The following ALK variants were observed in gnomAD, a reference collection of about 807,000 sequenced individuals.
ALK encodes the protein ALK tyrosine kinase receptor.
ALK carries 74 observed loss-of-function variants against 163.1 expected under a neutral mutation model. The ratio of observed to expected loss-of-function variants is 0.45; its 90% CI spans 0.38 to 0.55. The LOEUF (loss-of-function observed/expected upper bound fraction) is 0.55, where lower values mean the gene tolerates loss of function less well. ALK is among the 20% of genes least tolerant of loss of function. ALK has a pLI of 0.00. For synonymous variants in ALK, 960 were observed against 843.2 expected, an observed-to-expected ratio of 1.14 and a Z score of -2.40; for missense variants, 2,063 against 2,105.3, an observed-to-expected ratio of 0.98 and a Z score of 0.39.
At chr2:29,374,343 C>T (rs542411313) in intron 5 of ALK, among the ~76,000 whole-genome samples, 1 of 152,044 alleles carries the variant, frequency 6.6e-6, no homozygotes, top group Non-Finnish European at 1.5e-5. Context: ...AGCGATGGAG[C>T]TGGCATCCAA....
intron 1 of ALK, among the ~76,000 whole-genome samples, chr2:29,907,470 A>T (rs971512068): frequency 6.6e-6 from 1 of 152,110 alleles, no homozygotes; most frequent in Non-Finnish European, 1.5e-5. Context: ...TCTGTACAAG[A>T]CACTCCGTGA....
chr2:29,787,557 G>C (rs913286395), intron 1 of ALK, among the ~76,000 whole-genome samples: 1 of 152,234 alleles, frequency 6.6e-6, no homozygotes, highest in African/African-American at 2.4e-5. Flanking sequence ...TGGGACGTAT[G>C]CATAGGGAAA....
At chr2:29,744,718 G>A (rs1680162096) in intron 1 of ALK, among the ~76,000 whole-genome samples, 1 of 152,112 alleles carries the variant, frequency 6.6e-6, no homozygotes, top group African/African-American at 2.4e-5. Flanking sequence ...TCTTGGCTGG[G>A]ATCTCACCTG....
intron 3 of ALK, among the ~76,000 whole-genome samples, chr2:29,655,793 G>A (rs1200908117): frequency 6.6e-6 from 1 of 152,180 alleles, no homozygotes; most frequent in Admixed American, 6.5e-5. Context: ...GTATAAAGAT[G>A]TGTTTCTCTT....
At chr2:29,551,991 T>C (rs1344851907) in intron 3 of ALK, among the ~76,000 whole-genome samples, 2 of 152,162 alleles carry the variant, frequency 1.3e-5, no homozygotes, top group African/African-American at 4.8e-5. Context: ...ACAAAACCTC[T>C]GTACTCACTT....
chr2:29,606,115 C>T (rs1397635710), intron 3 of ALK, among the ~76,000 whole-genome samples: 1 of 152,202 alleles, frequency 6.6e-6, no homozygotes, highest in Admixed American at 6.5e-5. Flanking sequence ...TCTTCATGTG[C>T]TATGGTTCCA....
intron 3 of ALK, among the ~76,000 whole-genome samples, chr2:29,562,448 T>C (rs1441476911): frequency 6.6e-6 from 1 of 152,208 alleles, no homozygotes; most frequent in African/African-American, 2.4e-5. Flanking sequence ...CTCTCAGCTC[T>C]AGTTTATCAG....
chr2:29,590,492 C>G (rs1354265922), intron 3 of ALK, among the ~76,000 whole-genome samples: 1 of 152,066 alleles, frequency 6.6e-6, no homozygotes, highest in African/African-American at 2.4e-5. Flanking sequence ...TTATAAAACC[C>G]AGTGTTATTA....
intron 13 of ALK, among the ~76,000 whole-genome samples, chr2:29,234,619 G>A (rs1664319934): frequency 6.6e-6 from 1 of 152,056 alleles, no homozygotes; most frequent in Non-Finnish European, 1.5e-5. Flanking sequence ...CTGTGACAGG[G>A]GCCCTCGATC....
intron 23 of ALK, among the ~76,000 whole-genome samples, chr2:29,217,526 G>A (rs972696154): frequency 6.6e-6 from 1 of 151,452 alleles, no homozygotes; most frequent in Non-Finnish European, 1.5e-5. Context: ...TCCACAACAG[G>A]CACGGCTGAC....
intron 1 of ALK, among the ~76,000 whole-genome samples, chr2:29,743,777 G>T (rs1680128250): frequency 6.6e-6 from 1 of 152,140 alleles, no homozygotes; most frequent in Non-Finnish European, 1.5e-5. Flanking sequence ...GAGAACTGCA[G>T]GTGTTAAATG....
chr2:29,326,977 G>A lies in ALK; in HGVS notation c.1414+1373C>T, dbSNP rs567380688. Among the ~76,000 whole-genome samples, 9 of 152,248 alleles carry A rather than the reference G, an allele frequency of 5.9e-5. No individual in the cohort carries two copies. In the South Asian group the frequency reaches 1.7e-3, roughly 28 times the overall value. ...CCAGTCCAGGCTCCATTTCACTCCC[G>A]CCCCTGTGTGAAGCTTTCAGTGCTT... On this transcript the variant is annotated intron_variant, in intron 6 of 28. Transcript: ENST00000389048.
At chr2:29,583,144 G>T (rs1363902805) in intron 3 of ALK, among the ~76,000 whole-genome samples, 1 of 150,556 alleles carries the variant, frequency 6.6e-6, no homozygotes, top group African/African-American at 2.5e-5. Context: ...CTCCCAGAGT[G>T]CTGGGACTAC....
intron 3 of ALK, among the ~76,000 whole-genome samples, chr2:29,622,488 A>G (rs931247176): frequency 6.6e-6 from 1 of 152,224 alleles, no homozygotes; most frequent in Non-Finnish European, 1.5e-5. Flanking sequence ...ACCAGTCCCC[A>G]TGATTCACTT....
Position 29,702,026 on chromosome 2 carries a change from G to A in ALK, c.788-7012C>T, listed in dbSNP as rs556724787. Among the ~76,000 whole-genome samples, 496 of 152,140 alleles carry A rather than the reference G, an allele frequency of 3.3e-3. 3 individuals are homozygous for A. The highest frequency in any genetic ancestry group is 0.011 in the African/African-American group (467 of 41,496). ...ACATGTCTGTGGCTGCAGTGAGGCA[G>A]GAAACAGTGTACGAGCTCCACAAGT... On this transcript the variant is annotated intron_variant, in intron 2 of 28. Coordinates refer to ENST00000389048, the MANE Select transcript of ALK (RefSeq NM_004304.5).
At chr2:29,468,232 T>G (rs1241458266) in intron 4 of ALK, among the ~76,000 whole-genome samples, 1 of 152,152 alleles carries the variant, frequency 6.6e-6, no homozygotes, top group Non-Finnish European at 1.5e-5. Context: ...TTTCACCATG[T>G]TGGTCAGGCT....
At chr2:29,321,100 A>G (rs1667029201) in intron 6 of ALK, among the ~76,000 whole-genome samples, 1 of 152,238 alleles carries the variant, frequency 6.6e-6, no homozygotes, top group Non-Finnish European at 1.5e-5. Flanking sequence ...TTATCTACAG[A>G]AAACAAAATA....
intron 3 of ALK, among the ~76,000 whole-genome samples, chr2:29,591,068 CT>C (rs1675041961): frequency 1.7e-5 from 1 of 59,202 alleles, no homozygotes; most frequent in African/African-American, 8.7e-5. Flanking sequence ...GAGACTCCGT[CT>C]CAAAAAAAAA....
chr2:29,269,571 C>T (rs1004022132), intron 11 of ALK, among the ~76,000 whole-genome samples: 4 of 152,186 alleles, frequency 2.6e-5, no homozygotes, highest in East Asian at 1.9e-4. Flanking sequence ...GAACGTGCTG[C>T]GATGACTGGG....
Sources: allele counts gnomAD v4.1 joint callset (sites outside exome capture counted in the v4.1 genomes callset), GRCh38; gene constraint gnomAD v4.1.1; transcripts MANE v1.5; gene names NCBI Gene and HGNC (gene_info 2026-07-23, HGNC 2026-07-21).